The following NHSL2 variants were observed in gnomAD, a reference collection of about 807,000 sequenced individuals.
The protein encoded by NHSL2 is NHS-like protein 2.
NHSL2 carries 27 observed loss-of-function variants against 53.4 expected under a neutral mutation model. That is an observed-to-expected ratio of 0.51 (90% confidence interval 0.37 to 0.70). The LOEUF is 0.70. Among genes scored for constraint, NHSL2 ranks in the 30% least tolerant of loss-of-function variants. The probability of loss-of-function intolerance (pLI) is 0.00; values close to 1 mark genes in which losing one functional copy is unlikely to be tolerated. For missense variants in NHSL2, 892 were observed against 980.1 expected (o/e 0.91, Z 1.20); for synonymous variants, 408 against 404.1 (o/e 1.01, Z -0.12).
intron 5 of NHSL2, among the ~76,000 whole-genome samples, chrX:72,138,061 C>T (rs2042375129): frequency 9.0e-6 from 1 of 111,499 alleles, no homozygotes; most frequent in South Asian, 3.8e-4. Context: ...CACACCATGC[C>T]GTCCTTAGTT....
At position 72,144,704 on chromosome X, in the gene NHSL2, G is replaced by GCACACACACACACA. The variant is rs55912050; in HGVS notation, c.*1159_*1172dup. 1 of 147,443 alleles carries GCACACACACACACA rather than the reference G, an allele frequency of 6.8e-6. No homozygotes were observed. Among genetic ancestry groups the GCACACACACACACA allele is most frequent in the African/African-American group, 3.7e-5 (1 of 27,234 alleles). The allele number at this position is 147,443 out of a possible 1,213,427, so 12.2% of individuals were successfully genotyped here. The stretch of plus-strand genomic sequence containing the variant: ...CTTGCCAGTTGCTATGGCCCATAAT[G>GCACACACACACACA]CACACACACACACACACACACACAC... On this transcript the variant is annotated 3_prime_UTR_variant, in exon 8 of 8. Coordinates refer to ENST00000633930, the MANE Select transcript of NHSL2 (RefSeq NM_001013627.3).
intron 1 of NHSL2, among the ~76,000 whole-genome samples, chrX:71,963,945 G>A (rs1413573503): frequency 3.8e-5 from 2 of 52,531 alleles, no homozygotes; most frequent in African/African-American, 6.1e-5. Context: ...GAAAGGTGGA[G>A]TGGCTATATA....
At chrX:72,082,935 G>A (rs1054886636) in intron 1 of NHSL2, among the ~76,000 whole-genome samples, 3 of 112,161 alleles carry the variant, frequency 2.7e-5, no homozygotes, top group Admixed American at 9.4e-5. Context: ...GGGATCAGTA[G>A]CCTAAAACAA....
Position 72,000,671 on chromosome X carries a change from G to A in NHSL2, c.280+89304G>A, listed in dbSNP as rs766441634. 1.2e-4 allele frequency among the ~76,000 whole-genome samples: 13 copies of A among 111,061 alleles called. No individual in the cohort carries two copies. In the South Asian group the frequency reaches 5.0e-3, roughly 42 times the overall value. Reference sequence around the variant, plus strand: ...ACTTCAAAACCAAAAGTGGCCATTCGAGTCTTTCTCACATCCCATCACCCT... The same window carrying A: ...ACTTCAAAACCAAAAGTGGCCATTCAAGTCTTTCTCACATCCCATCACCCT... On this transcript the variant is annotated intron_variant, in intron 1 of 7. Transcript: ENST00000633930.
chrX:72,089,155 G>A (rs1486134033), intron 1 of NHSL2, among the ~76,000 whole-genome samples: 1 of 110,535 alleles, frequency 9.0e-6, no homozygotes, highest in Non-Finnish European at 1.9e-5. Context: ...TGAACAAGAA[G>A]CCTCCCTACC....
At chrX:72,092,041 G>A (rs1207211664) in intron 1 of NHSL2, among the ~76,000 whole-genome samples, 1 of 111,686 alleles carries the variant, frequency 9.0e-6, no homozygotes, top group Non-Finnish European at 1.9e-5. Context: ...TCAAGATCCA[G>A]GTTCAGAAGT....
At chrX:71,939,268 C>T (rs1409510075) in intron 1 of NHSL2, among the ~76,000 whole-genome samples, 4 of 111,700 alleles carry the variant, frequency 3.6e-5, no homozygotes, top group Non-Finnish European at 7.5e-5. Context: ...CCATGTAAGC[C>T]ATGTTAAGGG....
chrX:72,049,302 G>A (rs1434086064), intron 1 of NHSL2, among the ~76,000 whole-genome samples: 1 of 111,804 alleles, frequency 8.9e-6, no homozygotes, highest in Non-Finnish European at 1.9e-5. Context: ...TGCGGATCTG[G>A]GGGCCAGGGC....
At chrX:72,006,162 G>A (rs1369050998) in intron 1 of NHSL2, among the ~76,000 whole-genome samples, 1 of 111,909 alleles carries the variant, frequency 8.9e-6, no homozygotes, top group Non-Finnish European at 1.9e-5. Context: ...TCTCCTTACT[G>A]GCCTCCTTTC....
At chrX:72,069,651 C>T in intron 1 of NHSL2, 1 of 934,073 alleles carries the variant, frequency 1.1e-6, no homozygotes, top group South Asian at 5.9e-5. Flanking sequence ...GAGGAGGTGG[C>T]AGCGGCCGCC....
intron 1 of NHSL2, among the ~76,000 whole-genome samples, chrX:71,999,345 G>GA (rs772040615): frequency 9.6e-4 from 108 of 112,530 alleles, no homozygotes; most frequent in African/African-American, 3.1e-3. Context: ...AATTAATGGG[G>GA]AAAAAACCGT....
rs757556586 is a variant in NHSL2 at position 71,952,319 on chromosome X, GA to G, written c.280+40954del. 2.7e-5 allele frequency among the ~76,000 whole-genome samples: 3 copies of G among 112,212 alleles called. No homozygotes were observed. In the East Asian group the frequency reaches 8.4e-4, roughly 31 times the overall value. On this transcript the variant is annotated intron_variant, in intron 1 of 7. Coordinates refer to ENST00000633930, the MANE Select transcript of NHSL2 (RefSeq NM_001013627.3). ...GGAAAACAAAAGTAAGAACAAAAAG[GA>G]AGCCCCTCCAAGTTCTTAGCATTAC...
intron 1 of NHSL2, among the ~76,000 whole-genome samples, chrX:71,986,621 T>C (rs1341371472): frequency 8.9e-6 from 1 of 112,704 alleles, no homozygotes; most frequent in Non-Finnish European, 1.9e-5. Flanking sequence ...AAAGCTAGTT[T>C]TAAATAACAT....
rs1216882843 is a variant in NHSL2 at position 72,150,782 on chromosome X, G to T, written c.*7208G>T. On this transcript the variant is annotated 3_prime_UTR_variant, in exon 8 of 8. Coordinates refer to ENST00000633930, the MANE Select transcript of NHSL2 (RefSeq NM_001013627.3). ...TTGGCATTTCCATTTATTTTCCATT[G>T]TTCCCTTGTTTCTCCTGGACTTCCT... The T allele has an allele frequency of 2.7e-5, 3 of 111,892 alleles. No homozygotes were observed. The East Asian group carries it at 8.4e-4, about 31-fold the overall frequency. 9.2% of individuals were successfully genotyped at this position (111,892 alleles called of 1,213,427 possible).
chrX:71,965,088 A>T (rs1306429550), intron 1 of NHSL2, among the ~76,000 whole-genome samples: 2 of 112,154 alleles, frequency 1.8e-5, no homozygotes, highest in Non-Finnish European at 3.8e-5. Context: ...CTCTAAAAAA[A>T]TTTTATTAAT....
intron 1 of NHSL2, among the ~76,000 whole-genome samples, chrX:72,057,574 C>G (rs1313925110): frequency 1.8e-5 from 2 of 111,617 alleles, no homozygotes; most frequent in Non-Finnish European, 3.8e-5. Flanking sequence ...CTGTCCATGA[C>G]CACAAATAAT....
chrX:72,133,849 T>G, intron 2 of NHSL2: 1 of 328,655 alleles, frequency 3.0e-6, no homozygotes, highest in Non-Finnish European at 5.3e-6. Context: ...AGATAAGGGC[T>G]TGGTCCCCAA....
intron 1 of NHSL2, among the ~76,000 whole-genome samples, chrX:72,097,421 C>CT (rs1406080711): frequency 7.1e-5 from 8 of 111,913 alleles, no homozygotes; most frequent in African/African-American, 2.6e-4. Flanking sequence ...AGGTTCTTAA[C>CT]TTTTTGGGGG....
chrX:72,104,768 T>A (rs1248604200), intron 1 of NHSL2, among the ~76,000 whole-genome samples: 1 of 111,126 alleles, frequency 9.0e-6, no homozygotes, highest in African/African-American at 3.3e-5. Flanking sequence ...GTGGGCAGAC[T>A]GGGAGAGTGG....
Sources: allele counts gnomAD v4.1 joint callset (sites outside exome capture counted in the v4.1 genomes callset), GRCh38; gene constraint gnomAD v4.1.1; transcripts MANE v1.5; gene names NCBI Gene and HGNC (gene_info 2026-07-23, HGNC 2026-07-21).